CCL28: variants seen among roughly 807,000 people sequenced by gnomAD.
The protein encoded by CCL28 is C-C motif chemokine ligand 28, also known as C-C motif chemokine 28.
CCL28 carries 4 observed loss-of-function variants against 7.1 expected under a neutral mutation model. The observed-to-expected ratio is 0.56, with a 90% confidence interval of 0.28 to 1.29. The LOEUF is 1.29. Ranked by LOEUF, CCL28 falls within the 50% of genes most tolerant of loss-of-function variation. The probability of loss-of-function intolerance (pLI) is 0.11; values close to 1 mark genes in which losing one functional copy is unlikely to be tolerated. For synonymous variants in CCL28, 55 were observed against 57.8 expected (o/e 0.95, Z 0.22); for missense variants, 151 against 163.4 (o/e 0.92, Z 0.41).
chr5:43,357,773 A>G, the CCL28 span, among the ~76,000 whole-genome samples: 5 of 152,282 alleles, frequency 3.3e-5, no homozygotes, highest in East Asian at 7.7e-4. Flanking sequence ...ACAGAAGCCA[A>G]TTTCATGCTG....
chr5:43,359,945 C>T, the CCL28 span, among the ~76,000 whole-genome samples: 1 of 152,056 alleles, frequency 6.6e-6, no homozygotes, highest in African/African-American at 2.4e-5. Context: ...TAATCAGCAG[C>T]ACCCATTCCC....
At chr5:43,397,449 A>C (rs1740859443) in intron 1 of CCL28, among the ~76,000 whole-genome samples, 1 of 151,186 alleles carries the variant, frequency 6.6e-6, no homozygotes, top group Non-Finnish European at 1.5e-5. Context: ...GTGATACAAC[A>C]CTTGGGGTTA....
At chr5:43,369,044 G>T in the CCL28 span, among the ~76,000 whole-genome samples, 4 of 21,740 alleles carry the variant, frequency 1.8e-4, no homozygotes, top group South Asian at 3.6e-3. Flanking sequence ...GAAAGAGAGA[G>T]AGAGAGAGAG....
intron 1 of CCL28, among the ~76,000 whole-genome samples, chr5:43,399,042 T>C (rs537987191): frequency 5.9e-5 from 9 of 152,312 alleles, no homozygotes; most frequent in Non-Finnish European, 1.2e-4. Context: ...TATTCTGATG[T>C]GTATCCACCT....
intron 1 of CCL28, among the ~76,000 whole-genome samples, chr5:43,392,992 T>A (rs992735599): frequency 5.3e-5 from 8 of 152,130 alleles, no homozygotes. Flanking sequence ...AAAAATAACA[T>A]AATAATAATT....
At chr5:43,377,718 T>TTTTTTC (rs1739938906), downstream of CCL28, among the ~76,000 whole-genome samples, 1 of 39,406 alleles carries the variant, frequency 2.5e-5, no homozygotes, top group East Asian at 4.9e-4. Context: ...GAACTTAAAC[T>TTTTTTC]TTTTTTTTTT....
At position 43,412,351 on chromosome 5, in the gene CCL28, A is replaced by G. The variant is rs1741567766; in HGVS notation, c.-35T>C. On this transcript the variant is annotated 5_prime_UTR_variant, in exon 1 of 3. Transcript: ENST00000361115. The stretch of plus-strand genomic sequence containing the variant: ...CCCTACTGGCACTGACAGCAACACA[A>G]GTGAGGCTGTTCGATCAGGAAATGA... The G allele has an allele frequency of 6.3e-7, 1 of 1,586,624 alleles. No individual in the cohort carries two copies. Among genetic ancestry groups the G allele is most frequent in the Non-Finnish European group, 8.6e-7 (1 of 1,158,348 alleles).
chr5:43,404,005 T>C (rs1741158226), intron 1 of CCL28, among the ~76,000 whole-genome samples: 2 of 152,158 alleles, frequency 1.3e-5, no homozygotes, highest in Admixed American at 6.5e-5. Flanking sequence ...AATATGGGAC[T>C]ATGTGAAAAG....
the CCL28 span, among the ~76,000 whole-genome samples, chr5:43,369,036 A>AAG: frequency 0.012 from 1,227 of 104,386 alleles, 14 homozygotes; most frequent in Middle Eastern, 0.022. Flanking sequence ...GAAAGAGAGA[A>AAG]AGAGAGAGAG....
At chr5:43,409,178 C>T (rs1329927927) in intron 1 of CCL28, among the ~76,000 whole-genome samples, 1 of 152,166 alleles carries the variant, frequency 6.6e-6, no homozygotes, top group Non-Finnish European at 1.5e-5. Flanking sequence ...GTAATCTCAG[C>T]ACTTTGTGAG....
intron 2 of CCL28, among the ~76,000 whole-genome samples, chr5:43,384,763 C>G (rs1740267854): frequency 6.6e-6 from 1 of 152,064 alleles, no homozygotes; most frequent in Admixed American, 6.6e-5. Context: ...TTACCCATTC[C>G]TCTAAACACA....
At chr5:43,359,247 C>A in the CCL28 span, among the ~76,000 whole-genome samples, 1 of 152,140 alleles carries the variant, frequency 6.6e-6, no homozygotes. Flanking sequence ...GCCTTCAGAG[C>A]TGAGAACCCT....
At chr5:43,405,571 A>C (rs1377419255) in intron 1 of CCL28, among the ~76,000 whole-genome samples, 1 of 152,234 alleles carries the variant, frequency 6.6e-6, no homozygotes, top group African/African-American at 2.4e-5. Context: ...ACACCCTAAC[A>C]TCACAATTAA....
the CCL28 span, among the ~76,000 whole-genome samples, chr5:43,371,293 T>G: frequency 6.6e-6 from 1 of 152,114 alleles, no homozygotes; most frequent in Non-Finnish European, 1.5e-5. Context: ...TTTTTGTACT[T>G]TATATTTATA....
chr5:43,370,398 C>T, the CCL28 span, among the ~76,000 whole-genome samples: 466 of 152,188 alleles, frequency 3.1e-3, 2 homozygotes, highest in Admixed American at 6.0e-3. Flanking sequence ...AATCTGTTGT[C>T]TCTTGGTGGT....
At chr5:43,412,188 C>T in intron 1 of CCL28, 65 bp downstream of exon 1, 2 of 1,349,184 alleles carry the variant, frequency 1.5e-6, no homozygotes, top group Non-Finnish European at 1.0e-6. Flanking sequence ...TCAATCCTTC[C>T]AGCACAGATT....
chr5:43,380,012 T>G lies in CCL28; in HGVS notation c.*1848A>C, dbSNP rs933780922. On this transcript the variant is annotated 3_prime_UTR_variant, in exon 3 of 3. Coordinates refer to ENST00000361115, the MANE Select transcript of CCL28 (RefSeq NM_148672.3). ...GCTGGGCGCCTGTAATATCAGTTAC[T>G]TGGGAGGCTGAGGCAAGAGAATCAC... 1.3e-5 allele frequency: 2 copies of G among 151,988 alleles called. No homozygotes were observed. The highest frequency in any genetic ancestry group is 4.8e-5 in the African/African-American group (2 of 41,336). 9.4% of individuals were successfully genotyped at this position (151,988 alleles called of 1,614,324 possible). A position where few individuals can be genotyped will look rare whatever the true frequency, so the allele number is the denominator to read the frequency against.
chr5:43,362,370 C>T, the CCL28 span, among the ~76,000 whole-genome samples: 2 of 152,126 alleles, frequency 1.3e-5, no homozygotes, highest in African/African-American at 4.8e-5. Context: ...TGTTTATCAG[C>T]ATAAGAAGCT....
chr5:43,374,435 A>G (rs1247707066), downstream of CCL28, among the ~76,000 whole-genome samples: 1 of 152,238 alleles, frequency 6.6e-6, no homozygotes, highest in East Asian at 1.9e-4. Flanking sequence ...AGAACATCGA[A>G]TTAGCTATGT....
Sources: allele counts gnomAD v4.1 joint callset (sites outside exome capture counted in the v4.1 genomes callset), GRCh38; gene constraint gnomAD v4.1.1; transcripts MANE v1.5; gene names NCBI Gene and HGNC (gene_info 2026-07-23, HGNC 2026-07-21).